TRAP1: variants seen among roughly 807,000 people sequenced by gnomAD.
TRAP1 encodes the protein heat shock protein 75 kDa, mitochondrial.
A neutral mutation model predicts 89.1 loss-of-function variants in TRAP1; 102 were observed. The ratio of observed to expected loss-of-function variants is 1.15; its 90% CI spans 0.98 to 1.35. The LOEUF (loss-of-function observed/expected upper bound fraction) is 1.35, where lower values mean the gene tolerates loss of function less well. Ranked by LOEUF, TRAP1 falls within the 40% of genes most tolerant of loss-of-function variation. TRAP1 has a pLI of 0.00. For synonymous variants in TRAP1, 508 were observed against 388.0 expected (o/e 1.31, Z -3.64); for missense variants, 1,256 against 945.3 (o/e 1.33, Z -4.31).
chr16:3,712,311 A>T (rs1459774903), intron 1 of TRAP1, among the ~76,000 whole-genome samples: 1 of 150,388 alleles, frequency 6.6e-6, no homozygotes, highest in East Asian at 1.9e-4. Flanking sequence ...AAAAAAAAAA[A>T]AAAAAAAAGA....
At chr16:3,666,295 C>T (rs377242877) in intron 11 of TRAP1, among the ~76,000 whole-genome samples, 177 bp from the exon 12 acceptor site, 6 of 152,070 alleles carry the variant, frequency 3.9e-5, no homozygotes, top group Admixed American at 1.3e-4. Context: ...GGGCAGTGGC[C>T]GGACAGGAGG....
At chr16:3,668,810 C>A (rs528171784) in intron 11 of TRAP1, among the ~76,000 whole-genome samples, 1 of 152,192 alleles carries the variant, frequency 6.6e-6, no homozygotes, top group East Asian at 1.9e-4. Flanking sequence ...TGAGGACTCA[C>A]GGCTCCCCTC....
chr16:3,672,754 G>C lies in TRAP1; in HGVS notation c.1111C>G (p.Leu371Val), dbSNP rs139081468. The C allele has an allele frequency of 1.2e-4, 200 of 1,611,724 alleles. No individual in the cohort carries two copies. In the African/African-American group the frequency reaches 2.4e-3, roughly 19 times the overall value. ...SSVALYSRKVLIQTKATDILP... is the reference protein window; with the variant it reads ...SSVALYSRKVVIQTKATDILP... Reference sequence around the variant, plus strand: ...ATGTCCGTGGCCTTGGTCTGGATGAGGACTTTGCGGCTGTACAGTGCAACG... The same window carrying C: ...ATGTCCGTGGCCTTGGTCTGGATGACGACTTTGCGGCTGTACAGTGCAACG... The change falls in exon 10 of 18, where the codon CTC becomes GTC. Residue 371 changes from leucine (L) to valine (V), a missense_variant. Physicochemically the swap from Leu to Val is conservative, Grantham distance 32. Coordinates refer to ENST00000246957, the MANE Select transcript of TRAP1 (RefSeq NM_016292.3).
intron 3 of TRAP1, among the ~76,000 whole-genome samples, chr16:3,688,830 C>G (rs527852662): frequency 6.6e-6 from 1 of 152,190 alleles, no homozygotes; most frequent in Non-Finnish European, 1.5e-5. Context: ...CAATTAATTC[C>G]CAGAGTTGAT....
intron 9 of TRAP1, 75 bp downstream of exon 9, chr16:3,674,264 T>A (rs1046676432): frequency 3.2e-6 from 5 of 1,559,860 alleles, no homozygotes. Flanking sequence ...GTTAATCATG[T>A]GACATCTGCA....
chr16:3,664,302 T>C lies in TRAP1; in HGVS notation c.1541A>G (p.Tyr514Cys), dbSNP rs772068892. 6.2e-7 allele frequency: 1 copy of C among 1,606,276 alleles called. No homozygotes were observed. Among genetic ancestry groups the C allele is most frequent in the Non-Finnish European group, 8.5e-7 (1 of 1,177,174 alleles). Residue 514 changes from tyrosine (Y) to cysteine (C), a missense_variant, in exon 13 of 18, where the codon TAT (tyrosine) becomes TGT (cysteine). By Grantham distance (194) the Tyr-to-Cys change is radical (BLOSUM62 -2). Transcript: ENST00000246957. ...TGTGTCTTTCTTCTTCATGGCCTCA[T>C]AGTAGGGTGAGTGCTCTGCCAGGTG... is the stretch of plus-strand genomic sequence containing the variant. ...NRHLAEHSPY[Y>C]EAMKKKDTEV...
intron 12 of TRAP1, 47 bp downstream of exon 12, chr16:3,665,924 C>G (rs1214471309): frequency 6.3e-7 from 1 of 1,586,652 alleles, no homozygotes; most frequent in Admixed American, 1.8e-5. Context: ...TCAGCAGCCC[C>G]AGGGACAAGG....
intron 8 of TRAP1, 159 bp from the exon 9 acceptor site, chr16:3,674,653 G>C: frequency 1.2e-6 from 1 of 845,536 alleles, no homozygotes; most frequent in Non-Finnish European, 1.8e-6. Context: ...CCCACCGCTG[G>C]GCTATGCCGG....
chr16:3,663,546 T>C lies in TRAP1; in HGVS notation c.1586A>G (p.Glu529Gly). 1 of 1,613,830 alleles carries C rather than the reference T, an allele frequency of 6.2e-7. No homozygotes were observed. The highest frequency in any genetic ancestry group is 1.1e-5 in the South Asian group (1 of 91,074). ...KKDTEVLFCF[E>G]QFDELTLLHL... The stretch of plus-strand genomic sequence containing the variant: ...CAGCAGGGTGAGCTCATCAAACTGC[T>C]CAAAGCAGAAGAGAACCTGCAGGTG... The change falls in exon 14 of 18, where the codon GAG (glutamate) becomes GGG (glycine). Residue 529 changes from glutamate to glycine, a missense_variant. Transcript: ENST00000246957.
chr16:3,660,221 C>T (rs1369687883), intron 16 of TRAP1: 1 of 152,394 alleles, frequency 6.6e-6, no homozygotes, highest in South Asian at 2.1e-4. Context: ...CACATAATCT[C>T]TGCAGAAATA....
intron 9 of TRAP1, among the ~76,000 whole-genome samples, chr16:3,673,937 T>TGTAG (rs2050951281): frequency 6.6e-6 from 1 of 152,096 alleles, no homozygotes; most frequent in Non-Finnish European, 1.5e-5. Flanking sequence ...CAGCAGATGA[T>TGTAG]GTAGGCTCTG....
At chr16:3,679,486 T>C (rs904391420) in intron 5 of TRAP1, among the ~76,000 whole-genome samples, 3 of 152,112 alleles carry the variant, frequency 2.0e-5, no homozygotes, top group African/African-American at 2.4e-5. Flanking sequence ...GACTGGAGCA[T>C]CTGCAGACTT....
intron 1 of TRAP1, among the ~76,000 whole-genome samples, chr16:3,698,501 A>G (rs1384757951): frequency 2.0e-5 from 3 of 151,708 alleles, no homozygotes; most frequent in African/African-American, 7.3e-5. Context: ...ATGGGGTTTC[A>G]CCGTGTTAGC....
At chr16:3,705,766 G>A (rs2051434148) in intron 1 of TRAP1, among the ~76,000 whole-genome samples, 1 of 151,930 alleles carries the variant, frequency 6.6e-6, no homozygotes, top group Non-Finnish European at 1.5e-5. Context: ...TGCAACCTCT[G>A]CCTCCCGGGT....
rs944067064 is a variant in TRAP1, at chr16:3,683,288, G to C, written c.471+2708C>G. 2.6e-5 allele frequency among the ~76,000 whole-genome samples: 4 copies of C among 152,196 alleles called. No individual in the cohort carries two copies. In the South Asian group the frequency reaches 8.3e-4, roughly 32 times the overall value. On this transcript the variant is annotated intron_variant, in intron 4 of 17. Coordinates refer to ENST00000246957, the MANE Select transcript of TRAP1 (RefSeq NM_016292.3). ...ATGTGGGATGCTGGGAGAGAAAAAGGACATGAGGTAAAAACTAAGGAAACC... is the reference window on the plus strand; with the variant it reads ...ATGTGGGATGCTGGGAGAGAAAAAGCACATGAGGTAAAAACTAAGGAAACC...
intron 3 of TRAP1, chr16:3,686,955 G>C (rs952191493): frequency 6.6e-6 from 1 of 152,186 alleles, no homozygotes; most frequent in Admixed American, 6.5e-5. Context: ...CCGACAGAGA[G>C]AGACTCTGTC....
chr16:3,668,138 G>C (rs1474441108), intron 11 of TRAP1, among the ~76,000 whole-genome samples: 1 of 151,960 alleles, frequency 6.6e-6, no homozygotes, highest in Non-Finnish European at 1.5e-5. Flanking sequence ...CATCTTGGCA[G>C]GCTGGTAACT....
chr16:3,658,903 C>A, intron 16 of TRAP1, 38 bp from the exon 17 acceptor site: 1 of 1,602,946 alleles, frequency 6.2e-7, no homozygotes, highest in Non-Finnish European at 8.5e-7. Flanking sequence ...CAGCTCAGTA[C>A]CACGTGCTGT....
chr16:3,702,720 G>A (rs2051383441), intron 1 of TRAP1, among the ~76,000 whole-genome samples: 1 of 151,480 alleles, frequency 6.6e-6, no homozygotes, highest in South Asian at 2.1e-4. Flanking sequence ...ACTCTAGCCT[G>A]GGTGACAAAG....
Sources: gnomAD v4.1 joint callset for allele counts (sites outside exome capture counted in the v4.1 genomes callset) on GRCh38, gnomAD v4.1.1 for gene constraint, MANE v1.5 for transcripts, NCBI Gene and HGNC (gene_info 2026-07-23, HGNC 2026-07-21) for gene names.